The following ASIC2 variants were observed in gnomAD, a reference collection of about 807,000 sequenced individuals.
ASIC2 encodes acid sensing ion channel subunit 2.
Under a neutral mutation model 57.3 loss-of-function variants are expected in ASIC2, and 25 were observed. The ratio of observed to expected loss-of-function variants is 0.44; its 90% CI spans 0.32 to 0.61. ASIC2 has a LOEUF of 0.61. Among genes scored for constraint, ASIC2 ranks in the 20% least tolerant of loss-of-function variants. The probability of loss-of-function intolerance (pLI) is 0.06; values close to 1 mark genes in which losing one functional copy is unlikely to be tolerated. For missense variants in ASIC2, 641 were observed against 738.1 expected (o/e 0.87, Z 1.52); for synonymous variants, 319 against 307.5 (o/e 1.04, Z -0.39).
At chr17:33,148,000 A>G (rs749080724) in intron 1 of ASIC2, among the ~76,000 whole-genome samples, 3 of 152,246 alleles carry the variant, frequency 2.0e-5, no homozygotes, top group Non-Finnish European at 4.4e-5. Context: ...TACTGAACAG[A>G]TGCAGGAAGT....
chr17:33,515,372 G>A (rs956796276), intron 1 of ASIC2, among the ~76,000 whole-genome samples: 1 of 152,186 alleles, frequency 6.6e-6, no homozygotes, highest in African/African-American at 2.4e-5. Context: ...AGGCAGCCAT[G>A]GACATTCACA....
chr17:33,602,051 C>G (rs1224502977), intron 1 of ASIC2, among the ~76,000 whole-genome samples: 4 of 152,226 alleles, frequency 2.6e-5, no homozygotes, highest in African/African-American at 7.2e-5. Context: ...AGCTTCTCTT[C>G]AAATTCACAG....
At chr17:34,126,642 A>C (rs1393910105) in intron 1 of ASIC2, among the ~76,000 whole-genome samples, 2 of 152,188 alleles carry the variant, frequency 1.3e-5, no homozygotes, top group African/African-American at 4.8e-5. Flanking sequence ...CTTGGTCAGC[A>C]GTACCACCGG....
chr17:33,902,398 C>T lies in ASIC2; in HGVS notation c.555+253580G>A, dbSNP rs138402897. ...TCCCAGTTTACACTAAAATAGAGTA[C>T]ATTTAAAAGTACACATCTTCCCATT... On this transcript the variant is annotated intron_variant, in intron 1 of 9. Transcript: ENST00000359872. Among the ~76,000 whole-genome samples the T allele has an allele frequency of 5.4e-4, 82 of 152,276 alleles. 1 individual carries two copies. The highest frequency in any genetic ancestry group is 3.1e-3 in the Admixed American group (47 of 15,290).
intron 1 of ASIC2, among the ~76,000 whole-genome samples, chr17:33,672,233 C>A (rs538151564): frequency 6.6e-6 from 1 of 152,276 alleles, no homozygotes; most frequent in East Asian, 1.9e-4. Context: ...TGAGCAACTT[C>A]TTAAATTTAA....
intron 1 of ASIC2, among the ~76,000 whole-genome samples, chr17:34,050,165 A>G (rs150420319): frequency 2.4e-4 from 36 of 152,326 alleles, no homozygotes; most frequent in Non-Finnish European, 4.6e-4. Flanking sequence ...CCCAAGAAGA[A>G]AACAGAGAAA....
At chr17:34,112,855 G>A (rs1911317204) in intron 1 of ASIC2, among the ~76,000 whole-genome samples, 1 of 152,168 alleles carries the variant, frequency 6.6e-6, no homozygotes, top group African/African-American at 2.4e-5. Flanking sequence ...TCAATAGGAT[G>A]AGACCTATTA....
chr17:34,037,886 T>C, intron 1 of ASIC2: 1 of 1,613,882 alleles, frequency 6.2e-7, no homozygotes, highest in East Asian at 2.2e-5. Flanking sequence ...TTGCTGAGAC[T>C]GGTTATGGCC....
chr17:33,604,728 A>G (rs763650172), intron 1 of ASIC2, among the ~76,000 whole-genome samples: 32 of 152,104 alleles, frequency 2.1e-4, no homozygotes, highest in Non-Finnish European at 4.7e-4. Flanking sequence ...GACCGCTAAA[A>G]GGAGAGGATG....
intron 1 of ASIC2, among the ~76,000 whole-genome samples, chr17:33,760,128 T>C (rs1003899194): frequency 6.6e-6 from 1 of 151,912 alleles, no homozygotes; most frequent in East Asian, 1.9e-4. Flanking sequence ...GGAATTAATT[T>C]TGAAAAAATA....
intron 1 of ASIC2, among the ~76,000 whole-genome samples, chr17:33,613,388 TC>T (rs113369680): frequency 0.022 from 3,052 of 140,670 alleles, 112 homozygotes; most frequent in African/African-American, 0.073. Flanking sequence ...TTTTTTTTTT[TC>T]CTTCCTGCTC....
chr17:34,114,647 C>A (rs1911376025), intron 1 of ASIC2, among the ~76,000 whole-genome samples: 1 of 152,166 alleles, frequency 6.6e-6, no homozygotes, highest in South Asian at 2.1e-4. Flanking sequence ...TAGCATCATT[C>A]TTTTTCCCAG....
Position 33,925,903 on chromosome 17 carries a change from C to T in ASIC2, c.555+230075G>A, listed in dbSNP as rs542034117. On this transcript the variant is annotated intron_variant, in intron 1 of 9. Coordinates refer to the ASIC2 transcript ENST00000359872. ...GGCCAGTGGAAGATCTGAGCTATAG[C>T]AATATTTAAAAGATCTTAAGAAGTC... Among the ~76,000 whole-genome samples the T allele has an allele frequency of 2.6e-5, 4 of 152,250 alleles. No individual in the cohort carries two copies. The South Asian group carries it at 8.3e-4, about 32-fold the overall frequency.
At chr17:34,065,370 G>A (rs1347468913) in intron 1 of ASIC2, among the ~76,000 whole-genome samples, 1 of 152,050 alleles carries the variant, frequency 6.6e-6, no homozygotes, top group East Asian at 1.9e-4. Context: ...AGAGTGGAAG[G>A]GGAGCTAGGG....
chr17:34,085,414 C>T (rs142495098), intron 1 of ASIC2, among the ~76,000 whole-genome samples: 6 of 152,134 alleles, frequency 3.9e-5, no homozygotes, highest in Admixed American at 1.3e-4. Context: ...GATAAGCTTT[C>T]TGATGTGCTG....
chr17:33,753,555 C>G (rs552887288), intron 1 of ASIC2, among the ~76,000 whole-genome samples: 1 of 152,138 alleles, frequency 6.6e-6, no homozygotes, highest in Non-Finnish European at 1.5e-5. Flanking sequence ...ATGGGGCAAC[C>G]CCTAGAATCA....
chr17:33,384,246 A>C (rs1909592989), intron 1 of ASIC2, among the ~76,000 whole-genome samples: 1 of 152,220 alleles, frequency 6.6e-6, no homozygotes, highest in Non-Finnish European at 1.5e-5. Flanking sequence ...CCCTTTCCAA[A>C]TACCCAAGAT....
chr17:33,951,238 C>T (rs1904552493), intron 1 of ASIC2, among the ~76,000 whole-genome samples: 2 of 152,106 alleles, frequency 1.3e-5, no homozygotes, highest in African/African-American at 4.8e-5. Context: ...ACTCCTTCCA[C>T]CTTCACAGTG....
intron 1 of ASIC2, among the ~76,000 whole-genome samples, chr17:33,766,285 A>G (rs1429137111): frequency 3.3e-5 from 5 of 152,230 alleles, no homozygotes; most frequent in Non-Finnish European, 5.9e-5. Flanking sequence ...ATAGGAGTAA[A>G]CAGTGTATTT....
Sources: gnomAD v4.1 joint callset for allele counts (sites outside exome capture counted in the v4.1 genomes callset) on GRCh38, gnomAD v4.1.1 for gene constraint, MANE v1.5 for transcripts, NCBI Gene and HGNC (gene_info 2026-07-23, HGNC 2026-07-21) for gene names.